LOXHD1: variants seen among roughly 807,000 people sequenced by gnomAD.
LOXHD1 encodes lipoxygenase homology PLAT domains 1.
A neutral mutation model predicts 248.2 loss-of-function variants in LOXHD1; 205 were observed. That is an observed-to-expected ratio of 0.83 (90% CI 0.74 to 0.93). The LOEUF is 0.93. Ranked by LOEUF, LOXHD1 falls within the 40% of genes least tolerant of loss-of-function variation. LOXHD1 has a pLI of 0.00. For missense variants in LOXHD1, 2,930 were observed against 2,971.6 expected, an observed-to-expected ratio of 0.99 and a Z score of 0.33; for synonymous variants, 1,113 against 1,162.8, an observed-to-expected ratio of 0.96 and a Z score of 0.87.
At chr18:46,517,058 C>T (rs1177165983) in intron 34 of LOXHD1, among the ~76,000 whole-genome samples, 3 of 152,178 alleles carry the variant, frequency 2.0e-5, no homozygotes, top group East Asian at 1.9e-4. Context: ...CCGCCTGGGT[C>T]CTGCCCTCCA....
At chr18:46,574,382 T>TACACAGACACACACACAC (rs1470113953) in intron 14 of LOXHD1, among the ~76,000 whole-genome samples, 1 of 58,560 alleles carries the variant, frequency 1.7e-5, no homozygotes, top group African/African-American at 1.4e-4. Flanking sequence ...TGTGTGTGTG[T>TACACAGACACACACACAC]ACACATACAC....
At chr18:46,571,974 C>T in intron 15 of LOXHD1, 112 bp downstream of exon 15, 1 of 921,882 alleles carries the variant, frequency 1.1e-6, no homozygotes, top group Non-Finnish European at 1.7e-6. Flanking sequence ...TCCCTCCCCA[C>T]TGCCACCTCT....
Position 46,594,396 on chromosome 18 carries a change from T to G in LOXHD1, c.1205A>C (p.Lys402Thr). The change falls in exon 9 of 41, where the codon AAA becomes ACA. Residue 402 changes from lysine to threonine, a missense_variant. By Grantham distance (78) the Lys-to-Thr change is moderately conservative. Transcript: ENST00000642948. ...CTGCCTCTCAATCAACCCATCCGCT[T>G]TCTTCTCATCCAGCCAGTTGCTACA... ...FPCSNWLDEK[K>T]ADGLIERQLY... The G allele has an allele frequency of 1.3e-6, 2 of 1,551,676 alleles. No individual in the cohort carries two copies. Among genetic ancestry groups the G allele is most frequent in the Non-Finnish European group, 1.7e-6 (2 of 1,147,000 alleles).
At chr18:46,650,034 G>A (rs1418087126) in intron 1 of LOXHD1, among the ~76,000 whole-genome samples, 4 of 152,062 alleles carry the variant, frequency 2.6e-5, no homozygotes. Flanking sequence ...ATTTCCAGAA[G>A]CAACTCCTGG....
intron 1 of LOXHD1, among the ~76,000 whole-genome samples, chr18:46,650,093 C>A (rs2039089353): frequency 6.6e-6 from 1 of 152,098 alleles, no homozygotes; most frequent in African/African-American, 2.4e-5. Context: ...ACCAGCCACC[C>A]TAGAGCCACA....
In LOXHD1 at chr18:46,601,476, G is replaced by A. The variant is rs778746388; in HGVS notation, c.884-9C>T. 4.5e-6 allele frequency: 7 copies of A among 1,551,660 alleles called. No homozygotes were observed. Among genetic ancestry groups the A allele is most frequent in the Non-Finnish European group, 6.1e-6 (7 of 1,147,042 alleles). On this transcript the variant is annotated splice_polypyrimidine_tract_variant and intron_variant, in intron 7 of 40. Coordinates refer to ENST00000642948, the MANE Select transcript of LOXHD1 (RefSeq NM_001384474.1). The stretch of plus-strand genomic sequence containing the variant: ...GACAATATACGTAATAGCTGGTGTG[G>A]AAACAACAGGAAAGAGAGTGTTCAA...
At chr18:46,633,653 G>C (rs1439928490) in intron 4 of LOXHD1, among the ~76,000 whole-genome samples, 1 of 152,194 alleles carries the variant, frequency 6.6e-6, no homozygotes, top group Non-Finnish European at 1.5e-5. Context: ...TTGGGCATCA[G>C]TGGACACTAT....
intron 8 of LOXHD1, among the ~76,000 whole-genome samples, chr18:46,597,000 CAAG>C (rs1387022637): frequency 2.0e-5 from 3 of 152,060 alleles, no homozygotes; most frequent in Non-Finnish European, 4.4e-5. Context: ...GTCTTAGATG[CAAG>C]AAGAAGTGAC....
chr18:46,599,385 G>A (rs1240972751), intron 8 of LOXHD1, among the ~76,000 whole-genome samples: 2 of 152,038 alleles, frequency 1.3e-5, no homozygotes, highest in Non-Finnish European at 2.9e-5. Context: ...AATAAATGTT[G>A]CTGGAACATT....
chr18:46,519,173 C>A, intron 33 of LOXHD1: 2 of 863,270 alleles, frequency 2.3e-6, no homozygotes, highest in Non-Finnish European at 2.8e-6. Flanking sequence ...CACCAAGTGC[C>A]CCTGGACTCA....
chr18:46,517,367 T>C (rs1020899565), intron 34 of LOXHD1, among the ~76,000 whole-genome samples: 8 of 152,162 alleles, frequency 5.3e-5, no homozygotes, highest in Admixed American at 4.6e-4. Context: ...GTGCCACAGC[T>C]TAACGGCCAT....
At chr18:46,585,800 C>T (rs2038048503) in intron 12 of LOXHD1, among the ~76,000 whole-genome samples, 1 of 152,166 alleles carries the variant, frequency 6.6e-6, no homozygotes, top group East Asian at 1.9e-4. Flanking sequence ...AATTGGAACT[C>T]TCACACATTA....
At chr18:46,634,247 A>C (rs1185596374) in intron 4 of LOXHD1, among the ~76,000 whole-genome samples, 1 of 152,214 alleles carries the variant, frequency 6.6e-6, no homozygotes, top group Non-Finnish European at 1.5e-5. Flanking sequence ...TTCAGCCTTA[A>C]AAAGGAAGGA....
At chr18:46,514,410 A>G (rs1345136762) in intron 34 of LOXHD1, among the ~76,000 whole-genome samples, 1 of 152,190 alleles carries the variant, frequency 6.6e-6, no homozygotes, top group Non-Finnish European at 1.5e-5. Context: ...GCTCTCTGAG[A>G]AGGACTCAAC....
At chr18:46,611,987 A>G (rs868793940) in intron 5 of LOXHD1, among the ~76,000 whole-genome samples, 56 of 152,182 alleles carry the variant, frequency 3.7e-4, no homozygotes, top group African/African-American at 1.3e-3. Flanking sequence ...TCCTGTTATC[A>G]TTGTCACATA....
intron 6 of LOXHD1, 148 bp from the exon 7 acceptor site, chr18:46,604,377 A>C: frequency 9.1e-7 from 1 of 1,102,690 alleles, no homozygotes. Flanking sequence ...TCACAAGGAC[A>C]CAACTGTGTC....
At chr18:46,584,487 A>G (rs1187324931) in intron 12 of LOXHD1, among the ~76,000 whole-genome samples, 1 of 152,156 alleles carries the variant, frequency 6.6e-6, no homozygotes, top group Non-Finnish European at 1.5e-5. Context: ...AAAATGTTAA[A>G]TTGTACTCCA....
intron 25 of LOXHD1, among the ~76,000 whole-genome samples, chr18:46,538,826 G>T (rs1466854590): frequency 5.9e-5 from 9 of 152,154 alleles, no homozygotes; most frequent in African/African-American, 1.9e-4. Flanking sequence ...ACGGTAGTGA[G>T]CATTCTTTCA....
chr18:46,570,328 C>T (rs1344224910), intron 15 of LOXHD1, among the ~76,000 whole-genome samples: 1 of 152,220 alleles, frequency 6.6e-6, no homozygotes, highest in Non-Finnish European at 1.5e-5. Context: ...ACCCCAAGTC[C>T]TCCAGGCTTG....
Sources: gnomAD v4.1 joint callset for allele counts (sites outside exome capture counted in the v4.1 genomes callset) on GRCh38, gnomAD v4.1.1 for gene constraint, MANE v1.5 for transcripts, NCBI Gene and HGNC (gene_info 2026-07-23, HGNC 2026-07-21) for gene names.